BTAF1: variants seen among roughly 807,000 people sequenced by gnomAD.
The protein encoded by BTAF1 is TATA-binding protein-associated factor 172.
Under a neutral mutation model 227.1 loss-of-function variants are expected in BTAF1, and 38 were observed. That is an observed-to-expected ratio of 0.17 (90% CI 0.13 to 0.22). The LOEUF is 0.22. Ranked by LOEUF, BTAF1 falls within the 10% of genes least tolerant of loss-of-function variation. The pLI, the probability that BTAF1 is intolerant of heterozygous loss-of-function variation, is 1.00. For synonymous variants in BTAF1, 742 were observed against 751.9 expected, an observed-to-expected ratio of 0.99 and a Z score of 0.21; for missense variants, 1,598 against 2,204.0, an observed-to-expected ratio of 0.73 and a Z score of 5.51.
At chr10:92,025,862 A>G (rs1851476216) in intron 35 of BTAF1, among the ~76,000 whole-genome samples, 1 of 151,750 alleles carries the variant, frequency 6.6e-6, no homozygotes, top group African/African-American at 2.4e-5. Context: ...ATTAGGCACA[A>G]TAAAGTTAGA....
chr10:92,008,339 G>T (rs11186794), intron 26 of BTAF1, 64 bp downstream of exon 26: 14 of 1,413,830 alleles, frequency 9.9e-6, no homozygotes, highest in Admixed American at 5.5e-5. Context: ...GGGTTTGTTG[G>T]GGGGGGCTTT....
intron 14 of BTAF1, among the ~76,000 whole-genome samples, chr10:91,976,998 TG>T (rs1418222941): frequency 1.3e-5 from 2 of 152,016 alleles, no homozygotes; most frequent in Non-Finnish European, 2.9e-5. Flanking sequence ...ATGTTAGAAG[TG>T]AAGTTTAAGC....
intron 6 of BTAF1, 65 bp downstream of exon 6, chr10:91,953,938 C>A: frequency 1.3e-6 from 2 of 1,570,168 alleles, no homozygotes; most frequent in Non-Finnish European, 8.6e-7. Flanking sequence ...TCTGTGTCTG[C>A]TTGATTTATA....
chr10:91,978,097 A>G (rs1250743156), intron 14 of BTAF1, among the ~76,000 whole-genome samples: 1 of 152,182 alleles, frequency 6.6e-6, no homozygotes, highest in Admixed American at 6.5e-5. Flanking sequence ...ACATGATGTC[A>G]TGTATCCACA....
intron 36 of BTAF1, 36 bp from the exon 37 acceptor site, chr10:92,027,094 A>G: frequency 1.3e-6 from 2 of 1,582,128 alleles, no homozygotes; most frequent in South Asian, 1.2e-5. Context: ...AAAGCATAAT[A>G]TGTGTTACGG....
chr10:91,962,735 G>T, intron 12 of BTAF1, 57 bp downstream of exon 12: 1 of 1,448,676 alleles, frequency 6.9e-7, no homozygotes. Context: ...TTTGGGATAT[G>T]GAGTATTAGA....
intron 28 of BTAF1, 129 bp from the exon 29 acceptor site, chr10:92,010,944 C>T (rs1449652392): frequency 2.8e-6 from 2 of 708,746 alleles, no homozygotes; most frequent in African/African-American, 1.8e-5. Flanking sequence ...CCTTCAGGGT[C>T]ATGTATGTAG....
At chr10:92,004,615 G>A (rs1452166114) in intron 25 of BTAF1, among the ~76,000 whole-genome samples, 1 of 152,094 alleles carries the variant, frequency 6.6e-6, no homozygotes, top group Non-Finnish European at 1.5e-5. Context: ...CTACAGGTGT[G>A]TGCCACCATG....
intron 14 of BTAF1, among the ~76,000 whole-genome samples, chr10:91,969,820 T>A: frequency 6.6e-6 from 1 of 151,952 alleles, no homozygotes; most frequent in East Asian, 1.9e-4. Flanking sequence ...CAAAATTAGC[T>A]GGGCATGATG....
chr10:92,007,761 C>T (rs904262650), intron 25 of BTAF1, among the ~76,000 whole-genome samples: 8 of 152,160 alleles, frequency 5.3e-5, no homozygotes, highest in South Asian at 2.1e-4. Context: ...CCATAGGGGT[C>T]GCGCAGACCA....
intron 14 of BTAF1, among the ~76,000 whole-genome samples, chr10:91,978,397 A>T (rs1002650482): frequency 6.6e-6 from 1 of 152,110 alleles, no homozygotes; most frequent in Admixed American, 6.5e-5. Context: ...TTTGGGGGGA[A>T]AATCAGAAAT....
chr10:91,982,795 TTAAG>T (rs1209073238), intron 18 of BTAF1, 34 bp downstream of exon 18: 1 of 1,546,122 alleles, frequency 6.5e-7, no homozygotes, highest in Non-Finnish European at 8.8e-7. Context: ...TAAAGACAAA[TTAAG>T]TAAACCAATT....
chr10:91,949,769 T>C (rs1845618875), intron 4 of BTAF1, among the ~76,000 whole-genome samples: 1 of 152,046 alleles, frequency 6.6e-6, no homozygotes, highest in Non-Finnish European at 1.5e-5. Context: ...TCTTTTGGGG[T>C]TTTCCCTTTC....
chr10:91,973,585 A>G (rs1000876393), intron 14 of BTAF1, among the ~76,000 whole-genome samples: 5 of 152,174 alleles, frequency 3.3e-5, no homozygotes, highest in Non-Finnish European at 7.3e-5. Flanking sequence ...TGTTTTGCAG[A>G]TGAGAGAACT....
At chr10:91,966,506 C>T in intron 13 of BTAF1, 131 bp from the exon 14 acceptor site, 1 of 892,624 alleles carries the variant, frequency 1.1e-6, no homozygotes, top group Non-Finnish European at 1.7e-6. Context: ...ACTGTATTAT[C>T]TTTTAAGAAT....
intron 6 of BTAF1, 146 bp from the exon 7 acceptor site, chr10:91,956,382 T>C (rs1325110681): frequency 1.9e-6 from 2 of 1,049,796 alleles, no homozygotes; most frequent in East Asian, 6.2e-5. Flanking sequence ...AAGTAAATCA[T>C]ATAAGCAGAA....
At chr10:92,010,695 A>C (rs1589960142) in intron 28 of BTAF1, among the ~76,000 whole-genome samples, 2 of 152,342 alleles carry the variant, frequency 1.3e-5, no homozygotes, top group Middle Eastern at 6.8e-3. Flanking sequence ...TAGGGGATTA[A>C]GTATTGTGAA....
At chr10:91,996,258 T>C (rs1053932175) in intron 23 of BTAF1, 111 bp from the exon 24 acceptor site, 7 of 846,764 alleles carry the variant, frequency 8.3e-6, no homozygotes, top group East Asian at 2.7e-5. Context: ...TTTGGAGATA[T>C]TTTTAGAGTC....
At position 91,959,816 on chromosome 10, in the gene BTAF1, A is replaced by G; in HGVS notation, c.1022A>G (p.Asp341Gly). ...CAGCAGCATCAAGAGTGGTTGGAAGACTTGGTTATTAGACTCCTTTGTGTT... is the reference window on the plus strand; with the variant it reads ...CAGCAGCATCAAGAGTGGTTGGAAGGCTTGGTTATTAGACTCCTTTGTGTT... ...MIQQHQEWLE[D>G]LVIRLLCVFA... Residue 341 changes from aspartate (D) to glycine (G), a missense_variant, in exon 10 of 38, where the codon GAC (aspartate) becomes GGC (glycine). Physicochemically the swap from Asp to Gly is moderately conservative, Grantham distance 94. This residue lies in a region of BTAF1 where 13 missense variants were observed against 45.2 expected (regional missense o/e 0.29). Transcript: ENST00000265990. 1.2e-6 allele frequency: 2 copies of G among 1,603,152 alleles called. No individual in the cohort carries two copies. Among genetic ancestry groups the G allele is most frequent in the South Asian group, 1.1e-5 (1 of 89,236 alleles).
Sources: gnomAD v4.1 joint callset for allele counts (sites outside exome capture counted in the v4.1 genomes callset) on GRCh38, gnomAD v4.1.1 for gene constraint, gnomAD v4.1.1 regional missense constraint, MANE v1.5 for transcripts, NCBI Gene and HGNC (gene_info 2026-07-23, HGNC 2026-07-21) for gene names.